LARS1: variants seen among roughly 807,000 people sequenced by gnomAD.
LARS1 encodes the protein leucyl-tRNA synthetase 1.
LARS1 carries 100 observed loss-of-function variants against 162.8 expected under a neutral mutation model. That is an observed-to-expected ratio of 0.61 (90% confidence interval 0.52 to 0.73). The LOEUF is 0.73. Among genes scored for constraint, LARS1 ranks in the 30% least tolerant of loss-of-function variants. The probability of loss-of-function intolerance (pLI) is 0.00; values close to 1 mark genes in which losing one functional copy is unlikely to be tolerated. For synonymous variants in LARS1, 457 were observed against 462.8 expected, an observed-to-expected ratio of 0.99 and a Z score of 0.16; for missense variants, 1,258 against 1,408.9, an observed-to-expected ratio of 0.89 and a Z score of 1.71.
At chr5:146,129,316 C>A (rs1266365466) in intron 25 of LARS1, among the ~76,000 whole-genome samples, 198 bp from the exon 26 acceptor site, 1 of 152,156 alleles carries the variant, frequency 6.6e-6, no homozygotes, top group Non-Finnish European at 1.5e-5. Context: ...TCTGACTCTA[C>A]ATTCTTAATT....
intron 7 of LARS1, 33 bp from the exon 8 acceptor site, chr5:146,159,503 T>A (rs1415779092): frequency 1.3e-6 from 2 of 1,504,740 alleles, no homozygotes; most frequent in Non-Finnish European, 9.2e-7. Context: ...CAAACATTAT[T>A]ATAATATTCA....
At chr5:146,157,357 C>A in intron 10 of LARS1, 46 bp downstream of exon 10, 1 of 1,504,382 alleles carries the variant, frequency 6.6e-7, no homozygotes, top group South Asian at 1.1e-5. Context: ...TTGAAATTTT[C>A]CTTGAAATTT....
chr5:146,153,283 T>C (rs1296288144), intron 12 of LARS1, 56 bp from the exon 13 acceptor site: 19 of 1,223,264 alleles, frequency 1.6e-5, no homozygotes, highest in South Asian at 6.2e-5. Context: ...GGGAGAATCA[T>C]TGAGAGAAGC....
chr5:146,150,181 T>C (rs184598237), intron 14 of LARS1, among the ~76,000 whole-genome samples: 326 of 151,370 alleles, frequency 2.2e-3, no homozygotes, highest in African/African-American at 7.4e-3. Context: ...TCTTTTTCAG[T>C]AGGCCAATAA....
chr5:146,180,916 C>T (rs1276314817), intron 1 of LARS1: 1 of 152,174 alleles, frequency 6.6e-6, no homozygotes, highest in Admixed American at 6.6e-5. Context: ...TTAGAAGCAT[C>T]CCTGGCTTCT....
At chr5:146,140,367 TAA>T (rs1752719582) in intron 20 of LARS1, 106 bp from the exon 21 acceptor site, 1 of 825,390 alleles carries the variant, frequency 1.2e-6, no homozygotes, top group Non-Finnish European at 2.0e-6. Flanking sequence ...CTTGCTAAGA[TAA>T]AAGTGCAAGG....
intron 5 of LARS1, among the ~76,000 whole-genome samples, chr5:146,166,941 C>T (rs1201995036): frequency 2.0e-5 from 3 of 152,130 alleles, no homozygotes; most frequent in East Asian, 1.9e-4. Context: ...AATAATAAGA[C>T]ATATCAGTAT....
intron 6 of LARS1, among the ~76,000 whole-genome samples, chr5:146,160,743 C>T (rs1049994327): frequency 4.6e-5 from 7 of 152,160 alleles, no homozygotes; most frequent in African/African-American, 1.7e-4. Context: ...TTAATCCTAC[C>T]TTTATGTATT....
At chr5:146,176,465 A>G (rs1754582943) in intron 2 of LARS1, among the ~76,000 whole-genome samples, 1 of 151,194 alleles carries the variant, frequency 6.6e-6, no homozygotes, top group Non-Finnish European at 1.5e-5. Context: ...AAAAAAAAAA[A>G]AAGAAAGAAA....
At chr5:146,143,108 ATT>A in intron 19 of LARS1, 24 bp from the exon 20 acceptor site, 2 of 1,128,530 alleles carry the variant, frequency 1.8e-6, no homozygotes, top group Non-Finnish European at 2.5e-6. Context: ...AAAACAAACT[ATT>A]TTATATATAT....
At chr5:146,139,059 A>AAAT (rs70998057) in intron 21 of LARS1, 4 of 263,744 alleles carry the variant, frequency 1.5e-5, no homozygotes, top group Non-Finnish European at 2.8e-5. Flanking sequence ...AAAAAAAAAA[A>AAAT]TGGCCGAGTG....
intron 2 of LARS1, among the ~76,000 whole-genome samples, chr5:146,174,144 T>TAAAAAAA (rs66479730): frequency 6.3e-4 from 56 of 89,122 alleles, no homozygotes; most frequent in African/African-American, 1.6e-3. Context: ...CTTTTTCTCT[T>TAAAAAAA]AAAAAAAAAA....
Position 146,143,559 on chromosome 5 carries a change from T to C in LARS1, c.1739-9A>G. ...CCAAGGCAGGTGAGTGCCTGAAAAATAAAAAGTAACGCATGAGGAACCTGA... is the reference window on the plus strand; with the variant it reads ...CCAAGGCAGGTGAGTGCCTGAAAAACAAAAAGTAACGCATGAGGAACCTGA... On this transcript the variant is annotated splice_polypyrimidine_tract_variant and intron_variant, in intron 18 of 31. Coordinates refer to ENST00000394434, the MANE Select transcript of LARS1 (RefSeq NM_020117.11). 6.2e-7 allele frequency: 1 copy of C among 1,611,242 alleles called. No homozygotes were observed. Among genetic ancestry groups the C allele is most frequent in the Non-Finnish European group, 8.5e-7 (1 of 1,178,402 alleles).
chr5:146,179,164 G>A (rs919425016), intron 1 of LARS1, among the ~76,000 whole-genome samples: 5 of 152,078 alleles, frequency 3.3e-5, no homozygotes, highest in East Asian at 3.9e-4. Context: ...CCCAAGAGGC[G>A]GTGGTTGCAG....
rs35849077 is a variant in LARS1, at chr5:146,138,119, CAA to C, written c.2148+2083_2148+2084del. On this transcript the variant is annotated intron_variant, in intron 21 of 31. Coordinates refer to ENST00000394434, the MANE Select transcript of LARS1 (RefSeq NM_020117.11). ...CAGGCAACAGGGCGAGACTCTATCTCAAAAAAAAAAAAAAAAAAGTGAAACTG... is the reference window on the plus strand; with the variant it reads ...CAGGCAACAGGGCGAGACTCTATCTCAAAAAAAAAAAAAAAAGTGAAACTG... The C allele has an allele frequency of 2.9e-3, 348 of 118,500 alleles. 1 individual carries two copies. The highest frequency in any genetic ancestry group is 0.022 in the Middle Eastern group (5 of 228). 7.3% of individuals were successfully genotyped at this position (118,500 alleles called of 1,614,324 possible).
intron 5 of LARS1, among the ~76,000 whole-genome samples, chr5:146,166,931 A>G (rs1451017305): frequency 1.3e-5 from 2 of 152,216 alleles, no homozygotes; most frequent in African/African-American, 2.4e-5. Context: ...TAACATCACC[A>G]ATAATAAGAC....
intron 25 of LARS1, 105 bp from the exon 26 acceptor site, chr5:146,129,223 T>C: frequency 9.9e-7 from 1 of 1,014,520 alleles, no homozygotes; most frequent in African/African-American, 1.6e-5. Flanking sequence ...TCTGTAATTG[T>C]GTGCTCAGAG....
intron 23 of LARS1, 93 bp downstream of exon 23, chr5:146,132,805 A>G: frequency 8.2e-6 from 1 of 122,634 alleles, no homozygotes; most frequent in Non-Finnish European, 1.1e-5. Flanking sequence ...TTATTTTATT[A>G]AAAAAAAAAA....
chr5:146,169,292 C>T (rs548059189), intron 4 of LARS1, among the ~76,000 whole-genome samples: 1 of 152,200 alleles, frequency 6.6e-6, no homozygotes, highest in African/African-American at 2.4e-5. Context: ...TAGCTCTTAT[C>T]AATTATACCA....
Sources: allele counts gnomAD v4.1 joint callset (sites outside exome capture counted in the v4.1 genomes callset), GRCh38; gene constraint gnomAD v4.1.1; transcripts MANE v1.5; gene names NCBI Gene and HGNC (gene_info 2026-07-23, HGNC 2026-07-21).